Variants in CSMD1 observed in about 807,000 individuals in gnomAD.
CSMD1 encodes the protein CUB and sushi domain-containing protein 1.
A neutral mutation model predicts 417.5 loss-of-function variants in CSMD1; 213 were observed. That is an observed-to-expected ratio of 0.51 (90% CI 0.46 to 0.57). The LOEUF (loss-of-function observed/expected upper bound fraction) is 0.57, where lower values mean the gene tolerates loss of function less well. Among genes scored for constraint, CSMD1 ranks in the 20% least tolerant of loss-of-function variants. The pLI, the probability that CSMD1 is intolerant of heterozygous loss-of-function variation, is 0.00. For missense variants in CSMD1, 6,923 were observed against 4,529.7 expected, an observed-to-expected ratio of 1.53 and a Z score of -15.17; for synonymous variants, 2,862 against 1,736.8, an observed-to-expected ratio of 1.65 and a Z score of -16.11.
chr8:3,579,499 A>T (rs1450322820), intron 9 of CSMD1, among the ~76,000 whole-genome samples: 2 of 152,198 alleles, frequency 1.3e-5, no homozygotes, highest in African/African-American at 4.8e-5. Context: ...AGCTTTTTTT[A>T]AAGCAAATTT....
At chr8:3,466,502 C>T (rs372563077) in intron 12 of CSMD1, among the ~76,000 whole-genome samples, 12 of 151,780 alleles carry the variant, frequency 7.9e-5, no homozygotes, top group Non-Finnish European at 1.3e-4. Flanking sequence ...CTCCACTACC[C>T]GGGTTCAAGC....
At chr8:4,003,709 T>C (rs189083532) in intron 4 of CSMD1, among the ~76,000 whole-genome samples, 100 of 152,308 alleles carry the variant, frequency 6.6e-4, no homozygotes, top group African/African-American at 2.3e-3. Context: ...ATTAACACAG[T>C]GCTTCAGGCG....
chr8:4,457,348 T>C (rs763446570), intron 2 of CSMD1, among the ~76,000 whole-genome samples: 14 of 151,692 alleles, frequency 9.2e-5, no homozygotes, highest in Non-Finnish European at 1.6e-4. Flanking sequence ...CGGAGAGGGG[T>C]TTGCGGAGGA....
At chr8:3,600,194 C>G (rs190380289) in intron 8 of CSMD1, among the ~76,000 whole-genome samples, 2 of 152,310 alleles carry the variant, frequency 1.3e-5, no homozygotes, top group South Asian at 2.1e-4. Context: ...CTTCCCGAAT[C>G]TTTCCAGGTA....
intron 3 of CSMD1, among the ~76,000 whole-genome samples, chr8:4,277,333 G>C (rs555240596): frequency 1.3e-5 from 2 of 152,026 alleles, no homozygotes; most frequent in East Asian, 1.9e-4. Flanking sequence ...ACTTCCCTTG[G>C]ATTTCTGACC....
intron 3 of CSMD1, among the ~76,000 whole-genome samples, chr8:4,200,598 T>C (rs1391328081): frequency 6.6e-6 from 1 of 152,212 alleles, no homozygotes; most frequent in African/African-American, 2.4e-5. Flanking sequence ...GGCTCATGCC[T>C]GAAATCCCAG....
chr8:3,433,975 C>T (rs527353861), intron 12 of CSMD1, among the ~76,000 whole-genome samples: 14 of 152,270 alleles, frequency 9.2e-5, no homozygotes, highest in African/African-American at 2.4e-4. Context: ...GGAAGTCTAA[C>T]GATTTCCTTT....
intron 3 of CSMD1, among the ~76,000 whole-genome samples, chr8:4,366,524 T>G (rs1375168616): frequency 6.6e-6 from 1 of 152,174 alleles, no homozygotes; most frequent in African/African-American, 2.4e-5. Flanking sequence ...AGTAGCTTAA[T>G]TAATTTGCAT....
At chr8:4,061,930 C>G (rs531261253) in intron 3 of CSMD1, among the ~76,000 whole-genome samples, 4 of 152,146 alleles carry the variant, frequency 2.6e-5, no homozygotes, top group African/African-American at 9.7e-5. Flanking sequence ...GCATTACTGA[C>G]TAACGAAAGA....
chr8:4,358,532 G>A (rs887915307), intron 3 of CSMD1, among the ~76,000 whole-genome samples: 2 of 152,186 alleles, frequency 1.3e-5, no homozygotes, highest in South Asian at 4.1e-4. Flanking sequence ...AGATGCAGAG[G>A]TGACGATATG....
At chr8:3,709,471 T>C (rs536471264) in intron 6 of CSMD1, among the ~76,000 whole-genome samples, 10 of 152,064 alleles carry the variant, frequency 6.6e-5, no homozygotes, top group East Asian at 2.0e-4. Context: ...TGCTCAGACA[T>C]TGGGCCAGAG....
chr8:4,942,360 T>A (rs1051154408), intron 1 of CSMD1, among the ~76,000 whole-genome samples: 1 of 152,192 alleles, frequency 6.6e-6, no homozygotes, highest in African/African-American at 2.4e-5. Flanking sequence ...TCGGTACCCT[T>A]GTAGTTTGAT....
intron 3 of CSMD1, among the ~76,000 whole-genome samples, chr8:4,040,961 T>G (rs560220542): frequency 6.6e-6 from 1 of 152,140 alleles, no homozygotes; most frequent in Non-Finnish European, 1.5e-5. Context: ...ACATTTTGAC[T>G]TCACTAGTGA....
intron 2 of CSMD1, among the ~76,000 whole-genome samples, chr8:4,477,475 T>G (rs980837461): frequency 6.6e-6 from 1 of 152,222 alleles, no homozygotes; most frequent in African/African-American, 2.4e-5. Context: ...ATATTTATAT[T>G]TAATCACTAT....
At chr8:3,762,527 G>T (rs1239760335) in intron 5 of CSMD1, among the ~76,000 whole-genome samples, 1 of 152,232 alleles carries the variant, frequency 6.6e-6, no homozygotes, top group African/African-American at 2.4e-5. Flanking sequence ...TATCCTCTGT[G>T]ACTCAGCGAG....
chr8:4,747,262 A>C (rs901734041), intron 1 of CSMD1, among the ~76,000 whole-genome samples: 1 of 152,224 alleles, frequency 6.6e-6, no homozygotes, highest in Non-Finnish European at 1.5e-5. Flanking sequence ...TTTCATAAGT[A>C]GTATTGAAAA....
Position 4,959,606 on chromosome 8 carries a change from G to C in CSMD1, c.85+34726C>G, listed in dbSNP as rs983161905. ...ATCTAACTGCTGTAGGCATTGAGCA[G>C]GCTTCCTGGCTTCCAGCCTTGTTCC... On this transcript the variant is annotated intron_variant, in intron 1 of 69. Transcript: ENST00000635120. Among the ~76,000 whole-genome samples, 3 of 152,350 alleles carry C rather than the reference G, an allele frequency of 2.0e-5. No individual in the cohort carries two copies. In the East Asian group the frequency reaches 5.8e-4, roughly 29 times the overall value.
chr8:4,093,117 A>G (rs1216248948), intron 3 of CSMD1, among the ~76,000 whole-genome samples: 1 of 152,204 alleles, frequency 6.6e-6, no homozygotes, highest in Non-Finnish European at 1.5e-5. Context: ...TTGTGCCTAA[A>G]ATCTCCAGCC....
At position 3,307,298 on chromosome 8, in the gene CSMD1, T is replaced by TGC. The variant is rs576291067; in HGVS notation, c.3950+395_3950+396dup. On this transcript the variant is annotated intron_variant, in intron 25 of 69. Transcript: ENST00000635120. ...CAGAAGCCTGGTGTGCAGGGGCTCC[T>TGC]GCTTTCCCAACCATCCCAGCTGAGG... is the stretch of plus-strand genomic sequence containing the variant. Among the ~76,000 whole-genome samples the TGC allele has an allele frequency of 1.2e-3, 180 of 152,044 alleles. 1 individual carries two copies. The highest frequency in any genetic ancestry group is 4.1e-3 in the African/African-American group (171 of 41,488).
Sources: allele counts gnomAD v4.1 joint callset (sites outside exome capture counted in the v4.1 genomes callset), GRCh38; gene constraint gnomAD v4.1.1; transcripts MANE v1.5; gene names NCBI Gene and HGNC (gene_info 2026-07-23, HGNC 2026-07-21).